CASP10: variants seen among roughly 807,000 people sequenced by gnomAD.
CASP10 encodes caspase 10.
Under a neutral mutation model 48.5 loss-of-function variants are expected in CASP10, and 41 were observed. The observed-to-expected ratio is 0.85, with a 90% CI of 0.66 to 1.10. CASP10 has a LOEUF of 1.10. Ranked by LOEUF, CASP10 falls within the 50% of genes least tolerant of loss-of-function variation. CASP10 has a pLI of 0.00. For synonymous variants in CASP10, 232 were observed against 238.4 expected (o/e 0.97, Z 0.25); for missense variants, 614 against 614.5 (o/e 1.00, Z 0.01).
chr2:201,208,478 A>T lies in CASP10; in HGVS notation c.922+295A>T, dbSNP rs187232960. ...TCCACCACTAACTAGGTGTGTGATCATGGGAGAGTCAAGAGACCTTGGCTT... is the reference window on the plus strand; with the variant it reads ...TCCACCACTAACTAGGTGTGTGATCTTGGGAGAGTCAAGAGACCTTGGCTT... On this transcript the variant is annotated intron_variant, in intron 8 of 9. Coordinates refer to ENST00000286186, the MANE Select transcript of CASP10 (RefSeq NM_032977.4). 5.5e-5 allele frequency: 28 copies of T among 513,668 alleles called. No homozygotes were observed. The East Asian group carries it at 2.4e-3, about 44-fold the overall frequency. 31.8% of individuals were successfully genotyped at this position (513,668 alleles called of 1,614,324 possible).
Position 201,221,185 on chromosome 2 carries a change from C to G in CASP10, c.*3444C>G. 2 of 985,396 alleles carry G rather than the reference C, an allele frequency of 2.0e-6. No homozygotes were observed. Among genetic ancestry groups the G allele is most frequent in the Non-Finnish European group, 1.2e-6 (1 of 829,928 alleles). 61.0% of individuals were successfully genotyped at this position (985,396 alleles called of 1,614,324 possible). A position where few individuals can be genotyped will look rare whatever the true frequency, so the allele number is the denominator to read the frequency against. Reference sequence around the variant, plus strand: ...GCGGCAACTCAGCACTAGCATTACCCCTGACATACTCTGAGTAAGATCTAA... The same window carrying G: ...GCGGCAACTCAGCACTAGCATTACCGCTGACATACTCTGAGTAAGATCTAA... On this transcript the variant is annotated 3_prime_UTR_variant, in exon 10 of 10. Coordinates refer to ENST00000286186, the MANE Select transcript of CASP10 (RefSeq NM_032977.4).
Position 201,228,988 on chromosome 2 carries a change from TG to T in CASP10, c.1475del (p.Gly492ValfsTer72), listed in dbSNP as rs1945826041. 6.2e-7 allele frequency: 1 copy of T among 1,614,136 alleles called. No individual in the cohort carries two copies. Among genetic ancestry groups the T allele is most frequent in the Non-Finnish European group, 8.5e-7 (1 of 1,179,994 alleles). On this transcript the variant is annotated frameshift_variant, in exon 10 of 10. Coordinates refer to the CASP10 transcript ENST00000272879. LOFTEE classifies it low-confidence loss of function (END_TRUNC). ...AATCAGGGGCAGGAAGAGAACAGTG[TG>T]GGGTGCTAAACAGATCTCAGCAACC...
intron 2 of CASP10, among the ~76,000 whole-genome samples, chr2:201,186,785 C>T (rs1576063432): frequency 1.3e-5 from 2 of 152,130 alleles, no homozygotes; most frequent in South Asian, 2.1e-4. Flanking sequence ...TTCCTGGGTT[C>T]GAGCGATTCT....
rs370138285 is a variant in CASP10, at chr2:201,209,279, A to T, written c.1132A>T (p.Met378Leu). The T allele has an allele frequency of 1.9e-6, 3 of 1,614,162 alleles. No individual in the cohort carries two copies. The highest frequency in any genetic ancestry group is 2.5e-6 in the Non-Finnish European group (3 of 1,180,020). ...GGCCCTCATTCCCATTCGGGAGATC[A>T]TGTCTCACTTCACAGCCCTGCAGTG... is the stretch of plus-strand genomic sequence containing the variant. ...DEALIPIREI[M>L]SHFTALQCPR... is the part of the protein sequence containing the mutation. The change falls in exon 9 of 10, where the codon ATG (methionine) becomes TTG (leucine). Residue 378 changes from methionine to leucine, a missense_variant. Physicochemically the swap from Met to Leu is conservative, Grantham distance 15. Coordinates refer to ENST00000286186, the MANE Select transcript of CASP10 (RefSeq NM_032977.4).
Position 201,216,983 on chromosome 2 carries a change from C to T in CASP10, c.1416-605C>T, listed in dbSNP as rs564319510. On this transcript the variant is annotated intron_variant, in intron 9 of 9. Coordinates refer to ENST00000286186, the MANE Select transcript of CASP10 (RefSeq NM_032977.4). ...AACCAGAAATGCATTCTCCTCTGAA[C>T]TTGCAGTGGAACCTTGACCTTTCAT... Among the ~76,000 whole-genome samples the T allele has an allele frequency of 5.9e-5, 9 of 152,350 alleles. No homozygotes were observed. The East Asian group carries it at 1.7e-3, about 29-fold the overall frequency.
At position 201,218,287 on chromosome 2, in the gene CASP10, G is replaced by A. The variant is rs1250331924; in HGVS notation, c.*546G>A. The A allele has an allele frequency of 8.0e-6, 8 of 999,416 alleles. No homozygotes were observed. The highest frequency in any genetic ancestry group is 9.5e-6 in the Non-Finnish European group (8 of 838,748). 61.9% of individuals were successfully genotyped at this position (999,416 alleles called of 1,614,324 possible). ...TTTGGATGTCTATTCTGAAGACAGAGTAATTGGCTTTGGTTTGTGCAGGTA... is the reference window on the plus strand; with the variant it reads ...TTTGGATGTCTATTCTGAAGACAGAATAATTGGCTTTGGTTTGTGCAGGTA... On this transcript the variant is annotated 3_prime_UTR_variant, in exon 10 of 10. Coordinates refer to ENST00000286186, the MANE Select transcript of CASP10 (RefSeq NM_032977.4).
intron 9 of CASP10, chr2:201,213,194 T>A (rs1025804908): frequency 2.0e-5 from 3 of 152,180 alleles, no homozygotes; most frequent in Admixed American, 6.6e-5. Flanking sequence ...GAGGCATGAG[T>A]TAGCAGTTCT....
chr2:201,203,464 A>G (rs986156231), intron 5 of CASP10, among the ~76,000 whole-genome samples: 1 of 151,726 alleles, frequency 6.6e-6, no homozygotes, highest in Non-Finnish European at 1.5e-5. Flanking sequence ...GCGCTACCAC[A>G]CCCGGCTAAT....
At chr2:201,183,847 T>TCTTC (rs1279916307) in intron 1 of CASP10, among the ~76,000 whole-genome samples, 1 of 149,014 alleles carries the variant, frequency 6.7e-6, no homozygotes, top group South Asian at 2.1e-4. Flanking sequence ...TTTTGCTGTG[T>TCTTC]CTTCCTTCCT....
At chr2:201,190,069 G>A (rs1276099810) in intron 3 of CASP10, among the ~76,000 whole-genome samples, 1 of 151,982 alleles carries the variant, frequency 6.6e-6, no homozygotes, top group Non-Finnish European at 1.5e-5. Context: ...AAGTCATTTT[G>A]ACATGACCTT....
chr2:201,208,917 A>G (rs1945295730), intron 8 of CASP10, among the ~76,000 whole-genome samples, 153 bp from the exon 9 acceptor site: 1 of 152,036 alleles, frequency 6.6e-6, no homozygotes, highest in African/African-American at 2.4e-5. Flanking sequence ...ACCTCAAGTG[A>G]TCCGCCTGCT....
chr2:201,206,147 T>C, intron 7 of CASP10, 174 bp downstream of exon 7: 1 of 546,276 alleles, frequency 1.8e-6, no homozygotes, highest in East Asian at 3.3e-5. Context: ...TTATCTCTGT[T>C]CTTCCCACCT....
At position 201,218,077 on chromosome 2, in the gene CASP10, A is replaced by AT; in HGVS notation, c.*344dup. On this transcript the variant is annotated 3_prime_UTR_variant, in exon 10 of 10. Transcript: ENST00000286186. ...CACAGGTGTGTACCACCGTGCCCGG[A>AT]TTTTTTTTATTCTTTATTTTTTGTA... 33 of 735,884 alleles carry AT rather than the reference A, an allele frequency of 4.5e-5. No homozygotes were observed. Among genetic ancestry groups the AT allele is most frequent in the Non-Finnish European group, 4.6e-5 (25 of 548,198 alleles). 45.6% of individuals were successfully genotyped at this position (735,884 alleles called of 1,614,324 possible).
chr2:201,219,184 C>T lies in CASP10; in HGVS notation c.*1443C>T, dbSNP rs1336346282. The T allele has an allele frequency of 5.2e-6, 1 of 194,114 alleles. No homozygotes were observed. Among genetic ancestry groups the T allele is most frequent in the Non-Finnish European group, 9.4e-6 (1 of 106,512 alleles). 12.0% of individuals were successfully genotyped at this position (194,114 alleles called of 1,614,324 possible). A position where few individuals can be genotyped will look rare whatever the true frequency, so the allele number is the denominator to read the frequency against. ...ACTCGGGAGGCTGAGACAGGAGAAT[C>T]TCTTGAATCCAGGAGGCAGAGGCTG... On this transcript the variant is annotated 3_prime_UTR_variant, in exon 10 of 10. Transcript: ENST00000286186.
At chr2:201,224,800 T>C (rs140529731), downstream of CASP10, among the ~76,000 whole-genome samples, 793 of 152,332 alleles carry the variant, frequency 5.2e-3, 9 homozygotes, top group African/African-American at 0.018. Context: ...AATAAGGGAA[T>C]TTTATTTGAT....
intron 3 of CASP10, among the ~76,000 whole-genome samples, chr2:201,188,669 C>T (rs570018563): frequency 4.4e-4 from 67 of 152,260 alleles, no homozygotes; most frequent in African/African-American, 1.6e-3. Context: ...CCTCTGTCCT[C>T]TGCATTTCCT....
In CASP10 at chr2:201,208,089, C is replaced by T. The variant is rs1945268611; in HGVS notation, c.828C>T (p.Tyr276=). 1.2e-6 allele frequency: 2 copies of T among 1,613,114 alleles called. No individual in the cohort carries two copies. The highest frequency in any genetic ancestry group is 1.7e-6 in the Non-Finnish European group (2 of 1,179,148). ...SETSTKRAAV[Y]RMNRNHRGLC... ...TATTCTTCAAGAGGGCAGCTGTGTA[C>T]AGGATGAATCGGAACCACAGAGGCC... The change falls in exon 8 of 10, where the codon TAC becomes TAT. Residue 276 remains tyrosine, a synonymous_variant. Coordinates refer to ENST00000286186, the MANE Select transcript of CASP10 (RefSeq NM_032977.4).
exon 10 of CASP10, chr2:201,228,955 A>G (rs778616304): frequency 6.2e-7 from 1 of 1,614,184 alleles, no homozygotes; most frequent in South Asian, 1.1e-5. Flanking sequence ...TCTGGAAAAG[A>G]CAATGGAAAT....
downstream of CASP10, among the ~76,000 whole-genome samples, chr2:201,225,065 A>C (rs567715710): frequency 3.0e-4 from 45 of 152,178 alleles, no homozygotes; most frequent in Non-Finnish European, 5.9e-4. Context: ...AATTCCAAGC[A>C]TGTCCCTCTC....
Sources: gnomAD v4.1 joint callset for allele counts (sites outside exome capture counted in the v4.1 genomes callset) on GRCh38, gnomAD v4.1.1 for gene constraint, MANE v1.5 for transcripts, NCBI Gene and HGNC (gene_info 2026-07-23, HGNC 2026-07-21) for gene names.